ACAN: variants seen among roughly 807,000 people sequenced by gnomAD.
ACAN encodes the protein aggrecan, also known as aggrecan core protein.
ACAN carries 47 observed loss-of-function variants against 169.1 expected under a neutral mutation model. The observed-to-expected ratio is 0.28, with a 90% CI of 0.22 to 0.35. The LOEUF (loss-of-function observed/expected upper bound fraction) is 0.35. Among genes scored for constraint, ACAN ranks in the 10% least tolerant of loss-of-function variants. The pLI, the probability that ACAN is intolerant of heterozygous loss-of-function variation, is 1.00. For synonymous variants in ACAN, 1,115 were observed against 1,112.2 expected (o/e 1.00, Z -0.05); for missense variants, 2,716 against 2,759.9 (o/e 0.98, Z 0.36).
chr15:88,813,318 T>C (rs1895866161), intron 1 of ACAN, among the ~76,000 whole-genome samples: 1 of 152,252 alleles, frequency 6.6e-6, no homozygotes, highest in African/African-American at 2.4e-5. Context: ...TCTCCAGTTT[T>C]CTGTCTTTTG....
intron 2 of ACAN, among the ~76,000 whole-genome samples, chr15:88,836,681 A>G (rs1341389735): frequency 6.6e-6 from 1 of 152,226 alleles, no homozygotes; most frequent in Admixed American, 6.5e-5. Flanking sequence ...AAGAAAGGTC[A>G]CTTGGGAGAC....
At chr15:88,815,652 T>TAAGAAAA in intron 1 of ACAN, among the ~76,000 whole-genome samples, 1 of 79,038 alleles carries the variant, frequency 1.3e-5, no homozygotes, top group Non-Finnish European at 2.2e-5. Flanking sequence ...TGTTCTGCAC[T>TAAGAAAA]GATTAAAAAA....
chr15:88,836,408 C>A, intron 2 of ACAN, 132 bp downstream of exon 2: 1 of 806,192 alleles, frequency 1.2e-6, no homozygotes, highest in South Asian at 1.5e-5. Flanking sequence ...CCTGGCCCCA[C>A]CCTTCCCCTG....
chr15:88,847,983 C>T lies in ACAN; in HGVS notation c.1677C>T (p.Gly559=), dbSNP rs2141587534. 6 of 1,613,992 alleles carry T rather than the reference C, an allele frequency of 3.7e-6. No individual in the cohort carries two copies. The highest frequency in any genetic ancestry group is 5.1e-6 in the Non-Finnish European group (6 of 1,179,892). ...KDSSPGVRTY[G]VRPSTETYDV... ...GCAGCCCAGGGGTCAGGACCTATGG[C>T]GTGCGCCCATCAACAGAGACCTACG... The change falls in exon 9 of 19, where the codon GGC becomes GGT. Residue 559 remains glycine, a synonymous_variant. Coordinates refer to ENST00000560601, the MANE Select transcript of ACAN (RefSeq NM_001369268.1).
At position 88,858,671 on chromosome 15, in the gene ACAN, C is replaced by T. The variant is rs369174647; in HGVS notation, c.6086C>T (p.Ser2029Leu). 93 of 1,613,958 alleles carry T rather than the reference C, an allele frequency of 5.8e-5. No homozygotes were observed. In the African/African-American group the frequency reaches 1.1e-3, roughly 19 times the overall value. ...GCCATGGGCACCAGTGGAGAGGCCT[C>T]AGGACTTCCAGAAGTTACTTTAATC... ...SVAMGTSGEA[S>L]GLPEVTLITS... is the part of the protein sequence containing the mutation. Residue 2029 changes from serine to leucine, a missense_variant, in exon 12 of 19, where the codon TCA becomes TTA. Transcript: ENST00000560601. The surrounding 1 kb of genome is among the most constrained non-coding windows in gnomAD (Gnocchi z 4.0).
chr15:88,844,046 A>C (rs979973706), intron 6 of ACAN, among the ~76,000 whole-genome samples: 1 of 152,158 alleles, frequency 6.6e-6, no homozygotes, highest in African/African-American at 2.4e-5. Context: ...CTGACATGTG[A>C]CCCTGGCACC....
intron 12 of ACAN, among the ~76,000 whole-genome samples, chr15:88,860,072 CTTTTTTTTTT>C (rs57985365): frequency 9.7e-6 from 1 of 102,900 alleles, no homozygotes; most frequent in Non-Finnish European, 1.8e-5. Flanking sequence ...GCTGATTTTC[CTTTTTTTTTT>C]TTTTTTTTTT....
In ACAN at chr15:88,873,828, T is replaced by C. The variant is rs996782044; in HGVS notation, c.7448-14T>C. On this transcript the variant is annotated splice_polypyrimidine_tract_variant and intron_variant, in intron 17 of 18. Transcript: ENST00000560601. This position sits in a 1 kb window ranked among gnomAD's most constrained non-coding sequence, Gnocchi z 7.5. Reference sequence around the variant, plus strand: ...ACCCTATGAGACCCTTTATAAAGGGTGTTTGCCCCTCAGTGGCCTGCGGAG... The same window carrying C: ...ACCCTATGAGACCCTTTATAAAGGGCGTTTGCCCCTCAGTGGCCTGCGGAG... The C allele has an allele frequency of 1.3e-5, 21 of 1,612,536 alleles. No homozygotes were observed. The highest frequency in any genetic ancestry group is 1.7e-5 in the Admixed American group (1 of 59,938).
At chr15:88,813,483 A>G (rs368273813) in intron 1 of ACAN, among the ~76,000 whole-genome samples, 2 of 152,232 alleles carry the variant, frequency 1.3e-5, no homozygotes, top group East Asian at 3.8e-4. Flanking sequence ...CAGTGACCCA[A>G]CTGAGGAGAG....
In ACAN at chr15:88,838,726, C is replaced by A. The variant is rs759354442; in HGVS notation, c.134C>A (p.Thr45Asn). The stretch of plus-strand genomic sequence containing the variant: ...TCCCCGCTGAGGGTCCTCCTGGGGA[C>A]CTCCCTCACCATCCCCTGCTATTTC... ...QPSPLRVLLG[T>N]SLTIPCYFID... Residue 45 changes from threonine to asparagine, a missense_variant, in exon 3 of 19, where the codon ACC becomes AAC. Transcript: ENST00000560601. This position sits in a 1 kb window ranked among gnomAD's most constrained non-coding sequence, Gnocchi z 5.1. The A allele has an allele frequency of 2.9e-5, 46 of 1,611,526 alleles. No homozygotes were observed. Among genetic ancestry groups the A allele is most frequent in the Admixed American group, 1.2e-4 (7 of 59,972 alleles).
chr15:88,874,110 T>A lies in ACAN; in HGVS notation c.7630+86T>A. The A allele has an allele frequency of 6.6e-7, 1 of 1,514,284 alleles. No homozygotes were observed. Among genetic ancestry groups the A allele is most frequent in the South Asian group, 1.2e-5 (1 of 85,832 alleles). 93.8% of individuals were successfully genotyped at this position (1,514,284 alleles called of 1,614,324 possible). Reference sequence around the variant, plus strand: ...CCCCCGTCCCCTCTCCTGGGGACCCTACACCGTCCACAGGGTTGAGCAAGG... The same window carrying A: ...CCCCCGTCCCCTCTCCTGGGGACCCAACACCGTCCACAGGGTTGAGCAAGG... On this transcript the variant is annotated intron_variant, in intron 18 of 18. Transcript: ENST00000560601. The surrounding 1 kb of genome is among the most constrained non-coding windows in gnomAD (Gnocchi z 7.3).
chr15:88,869,924 G>A lies in ACAN; in HGVS notation c.7061-1458G>A, dbSNP rs1167103335. Among the ~76,000 whole-genome samples the A allele has an allele frequency of 2.0e-5, 3 of 152,082 alleles. No homozygotes were observed. The highest frequency in any genetic ancestry group is 7.2e-5 in the African/African-American group (3 of 41,394). On this transcript the variant is annotated intron_variant, in intron 14 of 18. Transcript: ENST00000560601. This position sits in a 1 kb window ranked among gnomAD's most constrained non-coding sequence, Gnocchi z 4.2. ...CCCATACCCACCTCCCAGAGAAGTT[G>A]CACCCTCCAGCTCTGCCTGCCCAGC...
In ACAN at chr15:88,869,395, A is replaced by G. The variant is rs1897332237; in HGVS notation, c.7060+1066A>G. On this transcript the variant is annotated intron_variant, in intron 14 of 18. Transcript: ENST00000560601. This position sits in a 1 kb window ranked among gnomAD's most constrained non-coding sequence, Gnocchi z 4.2. ...TTCATATTCCTTTGAGGCACTGCCA[A>G]GGTTACAGACTGGTAGAGGAACTTA... Among the ~76,000 whole-genome samples the G allele has an allele frequency of 6.6e-6, 1 of 152,156 alleles. No homozygotes were observed. The highest frequency in any genetic ancestry group is 1.5e-5 in the Non-Finnish European group (1 of 68,026).
intron 1 of ACAN, among the ~76,000 whole-genome samples, chr15:88,817,012 T>G (rs578165226): frequency 6.6e-6 from 1 of 152,306 alleles, no homozygotes; most frequent in African/African-American, 2.4e-5. Context: ...TCCCCTTCTA[T>G]CCCCAGTCGG....
rs1298258499 is a variant in ACAN, at chr15:88,837,598, G to A, written c.71-1065G>A. ...TGGGGCTTTAAAAACTGCTGAGCTG[G>A]GCACGACAGTCCCTTTCAGCTCTCC... On this transcript the variant is annotated intron_variant, in intron 2 of 18. Transcript: ENST00000560601. 2.0e-5 allele frequency among the ~76,000 whole-genome samples: 3 copies of A among 152,122 alleles called. 1 individual carries two copies. Among genetic ancestry groups the A allele is most frequent in the Admixed American group, 2.0e-4 (3 of 15,268 alleles).
In ACAN at chr15:88,838,760, C is replaced by T. The variant is rs534678891; in HGVS notation, c.168C>T (p.Pro56=). Residue 56 remains proline (P), a synonymous_variant, in exon 3 of 19, where the codon CCC becomes CCT. Transcript: ENST00000560601. This position sits in a 1 kb window ranked among gnomAD's most constrained non-coding sequence, Gnocchi z 5.1. The part of the protein sequence containing the change: ...SLTIPCYFID[P]MHPVTTAPST... Reference sequence around the variant, plus strand: ...CCATCCCCTGCTATTTCATCGACCCCATGCACCCTGTGACCACCGCCCCTT... The same window carrying T: ...CCATCCCCTGCTATTTCATCGACCCTATGCACCCTGTGACCACCGCCCCTT... 185 of 1,613,922 alleles carry T rather than the reference C, an allele frequency of 1.1e-4. 6 individuals carry two copies. The South Asian group carries it at 1.9e-3, about 17-fold the overall frequency.
chr15:88,847,015 G>C (rs1896806949), intron 7 of ACAN, among the ~76,000 whole-genome samples: 1 of 152,248 alleles, frequency 6.6e-6, no homozygotes, highest in Non-Finnish European at 1.5e-5. Context: ...TTCTGGTGTG[G>C]CCTTGTTCCG....
chr15:88,807,681 T>C lies in ACAN; in HGVS notation c.-8+3872T>C, dbSNP rs1210855048. On this transcript the variant is annotated intron_variant, in intron 1 of 18. Coordinates refer to ENST00000560601, the MANE Select transcript of ACAN (RefSeq NM_001369268.1). This position sits in a 1 kb window ranked among gnomAD's most constrained non-coding sequence, Gnocchi z 4.0. ...ACGGTTTCTTTTTTCAAAAGTTGAA[T>C]CCAGGGCAAGAACGGAAACGGTGGA... is the stretch of plus-strand genomic sequence containing the variant. Among the ~76,000 whole-genome samples the C allele has an allele frequency of 6.6e-6, 1 of 151,824 alleles. No individual in the cohort carries two copies. Among genetic ancestry groups the C allele is most frequent in the Non-Finnish European group, 1.5e-5 (1 of 68,012 alleles).
rs35965913 is a variant in ACAN at position 88,849,603 on chromosome 15, G to C, written c.1898G>C (p.Arg633Pro). The C allele has an allele frequency of 1.9e-6, 3 of 1,610,156 alleles. No homozygotes were observed. Among genetic ancestry groups the C allele is most frequent in the Non-Finnish European group, 2.5e-6 (3 of 1,178,648 alleles). ...GGCTGGCTGGCCGACGGCAGCCTCC[G>C]CTACCCCATCGTCACCCCAAGGCCT... ...YAGWLADGSL[R>P]YPIVTPRPAC... The change falls in exon 10 of 19, where the codon CGC becomes CCC. Residue 633 changes from arginine (R) to proline (P), a missense_variant. Coordinates refer to ENST00000560601, the MANE Select transcript of ACAN (RefSeq NM_001369268.1). The surrounding 1 kb of genome is among the most constrained non-coding windows in gnomAD (Gnocchi z 5.1).
Sources: allele counts gnomAD v4.1 joint callset (sites outside exome capture counted in the v4.1 genomes callset), GRCh38; gene constraint gnomAD v4.1.1; non-coding constraint Gnocchi (gnomAD v3.1); transcripts MANE v1.5; gene names NCBI Gene and HGNC (gene_info 2026-07-23, HGNC 2026-07-21).